The following ATXN8OS variants were observed in gnomAD, a reference collection of about 807,000 sequenced individuals.
ATXN8OS encodes ATXN8 opposite strand (non-protein coding).
chr13:70,139,406 T>TGCTGCG, intron 3 of ATXN8OS: 1 of 775,668 alleles, frequency 1.3e-6, no homozygotes, highest in South Asian at 1.7e-5. Context: ...CTGCTGCTGC[T>TGCTGCG]GCTGCTGCTG....
At chr13:70,112,920 A>ATATATATATATTTTTTT (rs1555298511) in intron 1 of ATXN8OS, among the ~76,000 whole-genome samples, 1 of 87,590 alleles carries the variant, frequency 1.1e-5, no homozygotes, top group Non-Finnish European at 2.2e-5. Flanking sequence ...TATATATATA[A>ATATATATATATTTTTTT]TTTTTTTTTT....
chr13:70,145,684 T>G (rs1390266887), intron 3 of ATXN8OS, among the ~76,000 whole-genome samples: 1 of 152,156 alleles, frequency 6.6e-6, no homozygotes, highest in Non-Finnish European at 1.5e-5. Flanking sequence ...ATGCTTGTGA[T>G]TTTTGTACAT....
chr13:70,152,137 C>T (rs552059857), intron 4 of ATXN8OS, among the ~76,000 whole-genome samples: 11 of 152,086 alleles, frequency 7.2e-5, no homozygotes, highest in Admixed American at 3.9e-4. Context: ...CTCTTAGTTT[C>T]TTTTCCCTAA....
chr13:70,165,355 G>A (rs780496557), intron 4 of ATXN8OS, among the ~76,000 whole-genome samples: 1 of 151,952 alleles, frequency 6.6e-6, no homozygotes, highest in South Asian at 2.1e-4. Context: ...TAATTCACAT[G>A]AAAGAGATAA....
At chr13:70,171,466 G>A (rs189589362) in exon 5 of ATXN8OS, among the ~76,000 whole-genome samples, 5 of 152,194 alleles carry the variant, frequency 3.3e-5, no homozygotes, top group Non-Finnish European at 7.4e-5. Flanking sequence ...TAGGATAATT[G>A]TGTACATTTT....
chr13:70,139,388 T>TACTACG lies in ATXN8OS; in HGVS notation n.500-7967_500-7966insACTACG, dbSNP rs1198593259. The TACTACG allele has an allele frequency of 8.4e-6, 3 of 358,688 alleles. No homozygotes were observed. In the African/African-American group the frequency reaches 1.2e-4, roughly 14 times the overall value. The allele number at this position is 358,688 out of a possible 1,614,324, so 22.2% of individuals were successfully genotyped here. A position where few individuals can be genotyped will look rare whatever the true frequency, so the allele number is the denominator to read the frequency against. On this transcript the variant is annotated intron_variant and non_coding_transcript_variant, in intron 3 of 4. Transcript: ENST00000678624. ...CTACTACTACTACTACTACTACTGC[T>TACTACG]GCTGCTGCTGCTGCTGCTGCTGCTG... is the stretch of plus-strand genomic sequence containing the variant.
chr13:70,149,394 T>C (rs1212047819), intron 4 of ATXN8OS, among the ~76,000 whole-genome samples: 3 of 152,142 alleles, frequency 2.0e-5, no homozygotes, highest in Non-Finnish European at 2.9e-5. Flanking sequence ...ATATTTTTAC[T>C]CTTCATTAAA....
At chr13:70,156,023 A>G (rs1425041407) in intron 4 of ATXN8OS, among the ~76,000 whole-genome samples, 1 of 152,098 alleles carries the variant, frequency 6.6e-6, no homozygotes, top group Non-Finnish European at 1.5e-5. Flanking sequence ...TAGGTTATCA[A>G]ATGAGACTGC....
At chr13:70,147,952 C>T (rs918983415) in intron 4 of ATXN8OS, among the ~76,000 whole-genome samples, 1 of 152,094 alleles carries the variant, frequency 6.6e-6, no homozygotes, top group Non-Finnish European at 1.5e-5. Context: ...CATCTTGAAG[C>T]GGTGGCTTCC....
At chr13:70,163,522 T>A (rs561477482) in intron 4 of ATXN8OS, among the ~76,000 whole-genome samples, 17 of 152,122 alleles carry the variant, frequency 1.1e-4, no homozygotes, top group African/African-American at 3.9e-4. Context: ...TTACATCACA[T>A]TCTAACAAAT....
chr13:70,116,074 C>A (rs571739239), intron 2 of ATXN8OS, among the ~76,000 whole-genome samples: 11 of 152,026 alleles, frequency 7.2e-5, no homozygotes, highest in African/African-American at 2.7e-4. Flanking sequence ...TCTGCATTAT[C>A]ATCCTTTCAT....
chr13:70,117,465 G>A (rs972022448), intron 2 of ATXN8OS, among the ~76,000 whole-genome samples: 8 of 152,036 alleles, frequency 5.3e-5, no homozygotes, highest in Non-Finnish European at 1.5e-5. Context: ...AAAATGCTAT[G>A]GGCAGTGCAA....
chr13:70,118,251 C>A (rs1341534515), intron 2 of ATXN8OS, among the ~76,000 whole-genome samples: 1 of 151,916 alleles, frequency 6.6e-6, no homozygotes, highest in Non-Finnish European at 1.5e-5. Context: ...AAAATCTTGG[C>A]AATAGTCTGT....
intron 3 of ATXN8OS, chr13:70,131,338 G>A (rs1888531070): frequency 2.5e-6 from 1 of 398,270 alleles, no homozygotes; most frequent in African/African-American, 2.1e-5. Context: ...CCATAAATCA[G>A]TTTTTTCCTC....
At chr13:70,135,159 C>A (rs1888595070) in intron 3 of ATXN8OS, among the ~76,000 whole-genome samples, 1 of 152,134 alleles carries the variant, frequency 6.6e-6, no homozygotes, top group Admixed American at 6.5e-5. Flanking sequence ...TCTTTATTAT[C>A]ATTTTGAGTA....
intron 3 of ATXN8OS, chr13:70,130,531 G>A (rs1231906677): frequency 2.5e-6 from 1 of 394,412 alleles, no homozygotes; most frequent in Non-Finnish European, 4.5e-6. Flanking sequence ...TATGCATAAT[G>A]TGATGTAGGG....
At chr13:70,157,210 A>T (rs1375198021) in intron 4 of ATXN8OS, among the ~76,000 whole-genome samples, 1 of 152,288 alleles carries the variant, frequency 6.6e-6, no homozygotes, top group Admixed American at 6.5e-5. Context: ...ATGAATGAGG[A>T]TAAAAAACAA....
At chr13:70,162,199 G>A (rs553426390) in intron 4 of ATXN8OS, among the ~76,000 whole-genome samples, 3 of 152,066 alleles carry the variant, frequency 2.0e-5, no homozygotes, top group South Asian at 4.1e-4. Context: ...GCATTTCTTA[G>A]GGTCTTACAG....
At chr13:70,147,401 C>CA in exon 4 of ATXN8OS, among the ~76,000 whole-genome samples, 1 of 151,990 alleles carries the variant, frequency 6.6e-6, no homozygotes, top group Non-Finnish European at 1.5e-5. Context: ...TGTTGAAACC[C>CA]AAAATTTGCC....
Sources: allele counts gnomAD v4.1 joint callset (sites outside exome capture counted in the v4.1 genomes callset), GRCh38; gene constraint gnomAD v4.1.1; transcripts MANE v1.5; gene names NCBI Gene and HGNC (gene_info 2026-07-23, HGNC 2026-07-21).